ZNF610: variants seen among roughly 807,000 people sequenced by gnomAD.
ZNF610 encodes zink finger protein.
In ZNF610, 14 loss-of-function variants were observed where a neutral mutation model predicts 14.1. The observed-to-expected ratio is 0.99, with a 90% CI of 0.65 to 1.55. The LOEUF is 1.55. ZNF610 is among the 40% of genes most tolerant of loss of function. ZNF610 has a pLI of 0.00. For missense variants in ZNF610, 530 were observed against 558.0 expected (o/e 0.95, Z 0.51); for synonymous variants, 185 against 187.6 (o/e 0.99, Z 0.11).
chr19:52,339,357 G>A (rs1984554469), intron 1 of ZNF610, among the ~76,000 whole-genome samples: 2 of 151,682 alleles, frequency 1.3e-5, no homozygotes, highest in African/African-American at 4.9e-5. Flanking sequence ...CCCTTCCCAT[G>A]AGGCCATATC....
At chr19:52,360,717 G>C (rs774183295) in intron 5 of ZNF610, among the ~76,000 whole-genome samples, 10 of 152,158 alleles carry the variant, frequency 6.6e-5, no homozygotes, top group Non-Finnish European at 8.8e-5. Flanking sequence ...AGGGATCAAT[G>C]TTCCTAAGTT....
chr19:52,349,039 T>G (rs748870346), intron 2 of ZNF610, 115 bp from the exon 3 acceptor site: 92 of 683,414 alleles, frequency 1.3e-4, no homozygotes, highest in Non-Finnish European at 2.1e-4. Context: ...TCTGGTGCAG[T>G]GGGCAACAGA....
At chr19:52,365,477 TTTC>T (rs1568655870) in intron 5 of ZNF610, among the ~76,000 whole-genome samples, 1 of 152,194 alleles carries the variant, frequency 6.6e-6, no homozygotes, top group East Asian at 1.9e-4. Context: ...GCCCTTAATC[TTTC>T]TCAAAGTCAC....
Position 52,354,309 on chromosome 19 carries a change from G to A in ZNF610, c.249G>A (p.Leu83=). ...TGTTGAAGCAAAGGAGAGAGCCCTT[G>A]ATTCTGCAAAGTCAAGTTAAAATAG... ...ISMLKQRREP[L]ILQSQVKIVK... is the part of the protein sequence containing the mutation. Residue 83 remains leucine (L), a synonymous_variant, in exon 5 of 6, where the codon TTG becomes TTA. Coordinates refer to ENST00000403906, the MANE Select transcript of ZNF610 (RefSeq NM_001161425.2). 1 of 1,614,148 alleles carries A rather than the reference G, an allele frequency of 6.2e-7. No individual in the cohort carries two copies. The highest frequency in any genetic ancestry group is 8.5e-7 in the Non-Finnish European group (1 of 1,180,022).
In ZNF610 at chr19:52,367,017, T is replaced by C. The variant is rs1986133940; in HGVS notation, c.*250T>C. ...TGAAAACTACCAGTATAGCATATTC[T>C]TGAGTAGGATTCACATTTAACTGCT... On this transcript the variant is annotated 3_prime_UTR_variant, in exon 6 of 6. Coordinates refer to ENST00000403906, the MANE Select transcript of ZNF610 (RefSeq NM_001161425.2). 1.2e-5 allele frequency: 5 copies of C among 416,032 alleles called. No homozygotes were observed. In the South Asian group the frequency reaches 3.4e-4, roughly 28 times the overall value. 25.8% of individuals were successfully genotyped at this position (416,032 alleles called of 1,614,324 possible).
intron 3 of ZNF610, among the ~76,000 whole-genome samples, chr19:52,352,504 CTGTGATTACATG>C (rs1985304874): frequency 6.6e-6 from 1 of 152,296 alleles, no homozygotes; most frequent in Admixed American, 6.5e-5. Flanking sequence ...TCCCAAAGTG[CTGTGATTACATG>C]TGTGAGTCAC....
At chr19:52,334,243 G>A (rs539556358), upstream of ZNF610, among the ~76,000 whole-genome samples, 13 of 146,572 alleles carry the variant, frequency 8.9e-5, no homozygotes, top group Non-Finnish European at 1.4e-4. Context: ...GGCCGGGCTT[G>A]GTGGCTCACG....
intron 5 of ZNF610, among the ~76,000 whole-genome samples, chr19:52,363,382 C>T (rs1985877919): frequency 6.6e-6 from 1 of 152,154 alleles, no homozygotes; most frequent in Non-Finnish European, 1.5e-5. Context: ...CCTCCTGCCT[C>T]AGCCTCCCAA....
intron 5 of ZNF610, among the ~76,000 whole-genome samples, chr19:52,359,422 TCC>T (rs1985675892): frequency 6.6e-6 from 1 of 152,162 alleles, no homozygotes; most frequent in Admixed American, 6.6e-5. Flanking sequence ...AGATCAGAAA[TCC>T]ACAGGTCATT....
chr19:52,357,676 AAAAATTAG>A (rs1306910779), intron 5 of ZNF610, among the ~76,000 whole-genome samples: 2 of 151,544 alleles, frequency 1.3e-5, no homozygotes, highest in Non-Finnish European at 2.9e-5. Context: ...AAAAAATTTA[AAAAATTAG>A]CCAGGCATGG....
rs901445097 is a variant in ZNF610, at chr19:52,349,213, A to G, written c.41A>G (p.Glu14Gly). The G allele has an allele frequency of 6.2e-7, 1 of 1,612,720 alleles. No individual in the cohort carries two copies. The change falls in exon 3 of 6, where the codon GAG becomes GGG. Residue 14 changes from glutamate (E) to glycine (G), a missense_variant. Transcript: ENST00000403906. ...GAAGCCCAGAAGAGGAAAGCAAAGG[A>G]GTCAGGGATGGCTCTTCCTCAGGTA... ...DEEAQKRKAK[E>G]SGMALPQGRL...
In ZNF610 at chr19:52,367,078, A is replaced by C. The variant is rs374915559; in HGVS notation, c.*311A>C. 2 of 324,704 alleles carry C rather than the reference A, an allele frequency of 6.2e-6. No homozygotes were observed. The highest frequency in any genetic ancestry group is 5.2e-5 in the East Asian group (1 of 19,338). 20.1% of individuals were successfully genotyped at this position (324,704 alleles called of 1,614,324 possible). ...TTTGTAACTCTTTGATTTAGAATGT[A>C]CATACTTCTCATGTTTTAAGTAATA... is the stretch of plus-strand genomic sequence containing the variant. On this transcript the variant is annotated 3_prime_UTR_variant, in exon 6 of 6. Transcript: ENST00000403906.
chr19:52,340,411 T>TG (rs971553628), intron 1 of ZNF610, among the ~76,000 whole-genome samples: 1 of 152,098 alleles, frequency 6.6e-6, no homozygotes, highest in African/African-American at 2.4e-5. Context: ...ATTTTGGTGA[T>TG]GGGCGGCATA....
chr19:52,352,320 C>T (rs1985296325), intron 3 of ZNF610, among the ~76,000 whole-genome samples: 1 of 152,094 alleles, frequency 6.6e-6, no homozygotes, highest in Non-Finnish European at 1.5e-5. Context: ...CTCACTGCAA[C>T]CTCTGTCTCG....
chr19:52,354,131 TG>T, intron 4 of ZNF610, 119 bp from the exon 5 acceptor site: 1 of 1,377,940 alleles, frequency 7.3e-7, no homozygotes, highest in Non-Finnish European at 1.0e-6. Flanking sequence ...AGCCAGTCTG[TG>T]GGTGAACTTG....
upstream of ZNF610, among the ~76,000 whole-genome samples, chr19:52,332,960 G>A (rs562593277): frequency 3.0e-4 from 46 of 152,286 alleles, no homozygotes; most frequent in African/African-American, 1.1e-3. This position sits in a 1 kb window ranked among gnomAD's most constrained non-coding sequence, Gnocchi z 4.1. Context: ...CCTTTGCTCA[G>A]TTACACACAG....
At chr19:52,356,287 T>C (rs570450457) in intron 5 of ZNF610, among the ~76,000 whole-genome samples, 27 of 152,290 alleles carry the variant, frequency 1.8e-4, no homozygotes, top group African/African-American at 6.0e-4. Flanking sequence ...GTGGGGCAGA[T>C]AGTCAACAGA....
chr19:52,354,704 C>T (rs893663853), intron 5 of ZNF610, among the ~76,000 whole-genome samples: 1 of 151,346 alleles, frequency 6.6e-6, no homozygotes, highest in African/African-American at 2.4e-5. Flanking sequence ...TCAGCCTCCC[C>T]AGTAGCTGAG....
chr19:52,335,558 C>T (rs1382848405), upstream of ZNF610, among the ~76,000 whole-genome samples: 2 of 152,128 alleles, frequency 1.3e-5, no homozygotes, highest in East Asian at 1.9e-4. Context: ...GGCAGACCCA[C>T]CTCAATTTGG....
Sources: gnomAD v4.1 joint callset for allele counts (sites outside exome capture counted in the v4.1 genomes callset) on GRCh38, gnomAD v4.1.1 for gene constraint, Gnocchi (gnomAD v3.1) non-coding constraint, MANE v1.5 for transcripts, NCBI Gene and HGNC (gene_info 2026-07-23, HGNC 2026-07-21) for gene names.